MBOAT2: variants seen among roughly 807,000 people sequenced by gnomAD.
MBOAT2 encodes membrane bound glycerophospholipid O-acyltransferase 2, also known as membrane-bound glycerophospholipid O-acyltransferase 2.
MBOAT2 carries 28 observed loss-of-function variants against 63.4 expected under a neutral mutation model. The observed-to-expected ratio is 0.44, with a 90% CI of 0.33 to 0.61. The LOEUF (loss-of-function observed/expected upper bound fraction) is 0.61. Ranked by LOEUF, MBOAT2 falls within the 20% of genes least tolerant of loss-of-function variation. MBOAT2 has a pLI of 0.03. For synonymous variants in MBOAT2, 211 were observed against 215.6 expected (o/e 0.98, Z 0.19); for missense variants, 470 against 605.8 (o/e 0.78, Z 2.35).
At chr2:8,894,451 G>T (rs1044081766) in intron 4 of MBOAT2, among the ~76,000 whole-genome samples, 3 of 152,232 alleles carry the variant, frequency 2.0e-5, no homozygotes, top group African/African-American at 7.2e-5. Flanking sequence ...GCAGGCAGTT[G>T]AATGATTCAT....
intron 3 of MBOAT2, among the ~76,000 whole-genome samples, chr2:8,935,386 G>T (rs912236063): frequency 6.6e-6 from 1 of 152,232 alleles, no homozygotes; most frequent in Non-Finnish European, 1.5e-5. Flanking sequence ...CCTATCATCT[G>T]CATGCTCAAC....
rs887356201 is a variant in MBOAT2, at chr2:8,989,746, T to C, written c.75+13794A>G. Among the ~76,000 whole-genome samples the C allele has an allele frequency of 3.3e-5, 5 of 152,226 alleles. No individual in the cohort carries two copies. In the East Asian group the frequency reaches 5.8e-4, roughly 18 times the overall value. The stretch of plus-strand genomic sequence containing the variant: ...TTGCAAGCATGTAAATGACAAACTC[T>C]CTAGCAACTACAACTATCTAGAAAT... On this transcript the variant is annotated intron_variant, in intron 1 of 12. Transcript: ENST00000305997.
intron 1 of MBOAT2, among the ~76,000 whole-genome samples, chr2:8,996,196 C>T (rs1158462084): frequency 6.6e-6 from 1 of 152,162 alleles, no homozygotes; most frequent in East Asian, 1.9e-4. Flanking sequence ...CTGCATGTCT[C>T]AACATTTGCC....
chr2:8,868,511 C>G lies in MBOAT2; in HGVS notation c.922G>C (p.Gly308Arg). Reference protein sequence around the residue: ...INNAAGFGFRGYDENGAARWD... With the variant: ...INNAAGFGFRRYDENGAARWD... ...CGAGCTGCTCCATTTTCGTCATACC[C>G]TCTGAAACCAAAGCCTGCAGCATTA... The change falls in exon 9 of 13, where the codon GGG (glycine) becomes CGG (arginine). Residue 308 changes from glycine (G) to arginine (R), a missense_variant. Gly to Arg is a moderately radical substitution (Grantham distance 125). This residue lies in a region of MBOAT2 where 376 missense variants were observed against 503.8 expected (regional missense o/e 0.75). Coordinates refer to ENST00000305997, the MANE Select transcript of MBOAT2 (RefSeq NM_138799.4). The G allele has an allele frequency of 6.2e-7, 1 of 1,613,990 alleles. No homozygotes were observed. The highest frequency in any genetic ancestry group is 1.1e-5 in the South Asian group (1 of 91,044).
In MBOAT2 at chr2:8,976,088, A is replaced by G. The variant is rs186123078; in HGVS notation, c.76-17446T>C. 2.1e-3 allele frequency among the ~76,000 whole-genome samples: 315 copies of G among 152,244 alleles called. 2 individuals are homozygous for G. Among genetic ancestry groups the G allele is most frequent in the African/African-American group, 7.2e-3 (298 of 41,558 alleles). The stretch of plus-strand genomic sequence containing the variant: ...CTGCCAATCTACAGCCCAGACATCC[A>G]TATGTTGTTAAAAACAGCCAGACTC... On this transcript the variant is annotated intron_variant, in intron 1 of 12. Transcript: ENST00000305997.
In MBOAT2 at chr2:8,963,321, T is replaced by G. The variant is rs1307271942; in HGVS notation, c.76-4679A>C. On this transcript the variant is annotated intron_variant, in intron 1 of 12. Transcript: ENST00000305997. The stretch of plus-strand genomic sequence containing the variant: ...CAAAAAGAAACTAATTTTTTTTTCT[T>G]TGAGACAATTTTGCTCTTGTTGCCC... Among the ~76,000 whole-genome samples the G allele has an allele frequency of 2.6e-5, 4 of 152,292 alleles. No individual in the cohort carries two copies. In the East Asian group the frequency reaches 7.7e-4, roughly 29 times the overall value.
chr2:8,860,021 T>TAA (rs1274922379), intron 12 of MBOAT2, among the ~76,000 whole-genome samples: 1 of 143,346 alleles, frequency 7.0e-6, no homozygotes, highest in Non-Finnish European at 1.5e-5. Flanking sequence ...CCATCTCTAC[T>TAA]AAAAAAAAAA....
intron 1 of MBOAT2, among the ~76,000 whole-genome samples, chr2:8,995,702 T>C (rs1024043692): frequency 4.0e-5 from 6 of 151,278 alleles, no homozygotes; most frequent in Admixed American, 1.3e-4. Flanking sequence ...GCCATTCTCC[T>C]GCCTCAGCCT....
chr2:8,991,900 CTG>C (rs995530346), intron 1 of MBOAT2, among the ~76,000 whole-genome samples: 7 of 152,178 alleles, frequency 4.6e-5, no homozygotes, highest in Non-Finnish European at 1.0e-4. Context: ...TCCCTTTAGC[CTG>C]GGAATGGGCT....
intron 3 of MBOAT2, among the ~76,000 whole-genome samples, chr2:8,928,853 A>C (rs1667115638): frequency 6.6e-6 from 1 of 152,192 alleles, no homozygotes; most frequent in Non-Finnish European, 1.5e-5. Flanking sequence ...AATAATGTCT[A>C]AGTGTTATTA....
At chr2:8,895,082 T>TGA (rs1000252058) in intron 4 of MBOAT2, among the ~76,000 whole-genome samples, 8 of 152,048 alleles carry the variant, frequency 5.3e-5, no homozygotes, top group Non-Finnish European at 1.5e-5. Context: ...ACCCAAAGAG[T>TGA]GAGCAGCAGC....
chr2:8,913,207 A>G (rs1665917404), intron 3 of MBOAT2, among the ~76,000 whole-genome samples: 1 of 152,228 alleles, frequency 6.6e-6, no homozygotes, highest in South Asian at 2.1e-4. Flanking sequence ...AAGGACTTAA[A>G]CCTAAGACCT....
chr2:8,993,640 T>C (rs1328357328), intron 1 of MBOAT2, among the ~76,000 whole-genome samples: 1 of 152,108 alleles, frequency 6.6e-6, no homozygotes, highest in African/African-American at 2.4e-5. Context: ...CTAGACCGCA[T>C]CCCTCAGAAC....
chr2:8,912,864 A>C (rs1453519013), intron 3 of MBOAT2, among the ~76,000 whole-genome samples: 4 of 152,334 alleles, frequency 2.6e-5, no homozygotes, highest in East Asian at 1.9e-4. Context: ...TATGGAACCA[A>C]AAAAGAGCCC....
At chr2:8,883,861 C>T (rs992970015) in intron 5 of MBOAT2, among the ~76,000 whole-genome samples, 11 of 151,974 alleles carry the variant, frequency 7.2e-5, no homozygotes, top group Admixed American at 3.3e-4. Context: ...ATATATTACA[C>T]ATTCCACTTT....
chr2:8,908,602 ATCAAAGTTT>A lies in MBOAT2; in HGVS notation c.395+10_395+18del. 2 of 1,449,282 alleles carry A rather than the reference ATCAAAGTTT, an allele frequency of 1.4e-6. No homozygotes were observed. Among genetic ancestry groups the A allele is most frequent in the Non-Finnish European group, 1.9e-6 (2 of 1,038,312 alleles). 89.8% of individuals were successfully genotyped at this position (1,449,282 alleles called of 1,614,324 possible). A position where few individuals can be genotyped will look rare whatever the true frequency, so the allele number is the denominator to read the frequency against. On this transcript the variant is annotated intron_variant, in intron 4 of 12. Transcript: ENST00000305997. ...TGGAATGGATAAAACAGGCTACTGA[ATCAAAGTTT>A]TCATCTTACCCTGAAAAATCAGCAG... is the stretch of plus-strand genomic sequence containing the variant.
intron 1 of MBOAT2, among the ~76,000 whole-genome samples, chr2:8,965,533 A>T (rs1341866079): frequency 6.6e-6 from 1 of 152,154 alleles, no homozygotes; most frequent in Non-Finnish European, 1.5e-5. Context: ...TTTAATTAAC[A>T]TGTGGTTAAA....
chr2:8,983,168 T>C (rs539151135), intron 1 of MBOAT2, among the ~76,000 whole-genome samples: 3 of 152,156 alleles, frequency 2.0e-5, no homozygotes, highest in African/African-American at 4.8e-5. Flanking sequence ...ATCCAAATTA[T>C]ATGATACAGA....
chr2:8,947,574 C>A (rs574958890), intron 2 of MBOAT2, among the ~76,000 whole-genome samples: 1 of 152,276 alleles, frequency 6.6e-6, no homozygotes, highest in South Asian at 2.1e-4. Context: ...TAAGTTGAAG[C>A]CAATGTTCAT....
Sources: allele counts gnomAD v4.1 joint callset (sites outside exome capture counted in the v4.1 genomes callset), GRCh38; gene constraint gnomAD v4.1.1; regional missense constraint gnomAD v4.1.1; transcripts MANE v1.5; gene names NCBI Gene and HGNC (gene_info 2026-07-23, HGNC 2026-07-21).